Variants in GABRA1 observed in about 807,000 individuals in gnomAD.
The protein encoded by GABRA1 is gamma-aminobutyric acid receptor subunit alpha-1.
A neutral mutation model predicts 48.9 loss-of-function variants in GABRA1; 9 were observed. The observed-to-expected ratio is 0.18, with a 90% CI of 0.11 to 0.32. The LOEUF is 0.32. Among genes scored for constraint, GABRA1 ranks in the 10% least tolerant of loss-of-function variants. GABRA1 has a pLI of 1.00. For missense variants in GABRA1, 285 were observed against 553.8 expected (o/e 0.51, Z 4.87); for synonymous variants, 210 against 198.7 (o/e 1.06, Z -0.48).
Position 161,858,076 on chromosome 5 carries a change from C to T in GABRA1, c.187+3806C>T, listed in dbSNP as rs144233388. Among the ~76,000 whole-genome samples, 475 of 151,194 alleles carry T rather than the reference C, an allele frequency of 3.1e-3. 3 individuals carry two copies. The highest frequency in any genetic ancestry group is 0.01 in the African/African-American group (430 of 41,364). On this transcript the variant is annotated intron_variant, in intron 3 of 9. Coordinates refer to ENST00000393943, the MANE Select transcript of GABRA1 (RefSeq NM_001127644.2). The stretch of plus-strand genomic sequence containing the variant: ...ATTGAGGAAGTGAAGAAGAGCAAAA[C>T]AGAGGAAATGAAAAATGAGAGGAAT...
chr5:161,883,749 A>T (rs1019083111), intron 7 of GABRA1, among the ~76,000 whole-genome samples: 1 of 152,174 alleles, frequency 6.6e-6, no homozygotes, highest in East Asian at 1.9e-4. Context: ...CCTCACAAGC[A>T]TAATACATTC....
At chr5:161,887,841 A>G (rs534451583) in intron 7 of GABRA1, among the ~76,000 whole-genome samples, 8 of 152,264 alleles carry the variant, frequency 5.3e-5, no homozygotes, top group African/African-American at 1.9e-4. Flanking sequence ...CACTCAGATT[A>G]TGTAATTTTA....
At chr5:161,859,651 A>AT (rs1391110194) in intron 3 of GABRA1, among the ~76,000 whole-genome samples, 1 of 151,714 alleles carries the variant, frequency 6.6e-6, no homozygotes, top group African/African-American at 2.4e-5. Flanking sequence ...TGATCTTTTG[A>AT]TTTTTTAATA....
intron 1 of GABRA1, chr5:161,848,739 C>G (rs1757318126): frequency 7.3e-6 from 2 of 273,090 alleles, no homozygotes; most frequent in African/African-American, 4.7e-5. Flanking sequence ...GAATGTATTC[C>G]GCAGGGTGGG....
intron 9 of GABRA1, 112 bp from the exon 10 acceptor site, chr5:161,896,999 C>A: frequency 2.2e-6 from 2 of 903,416 alleles, no homozygotes; most frequent in African/African-American, 1.7e-5. Flanking sequence ...TTTTTAAATT[C>A]CTAAATAAGG....
Position 161,895,763 on chromosome 5 carries a change from C to T in GABRA1, c.954C>T (p.Ala318=), listed in dbSNP as rs551045474. The T allele has an allele frequency of 1.5e-4, 250 of 1,613,918 alleles. 1 individual carries two copies. In the South Asian group the frequency reaches 1.7e-3, roughly 11 times the overall value. ...CAACAGCTATGGATTGGTTTATTGC[C>T]GTGTGCTATGCCTTTGTGTTCTCAG... ...AYATAMDWFI[A]VCYAFVFSAL... Residue 318 remains alanine (A), a synonymous_variant, in exon 9 of 10, where the codon GCC becomes GCT. Transcript: ENST00000393943.
At chr5:161,879,471 A>G (rs1754514991) in intron 6 of GABRA1, among the ~76,000 whole-genome samples, 1 of 152,142 alleles carries the variant, frequency 6.6e-6, no homozygotes, top group South Asian at 2.1e-4. Flanking sequence ...TGAAATTGTA[A>G]CTTAAAATTT....
At position 161,897,607 on chromosome 5, in the gene GABRA1, C is replaced by A. The variant is rs2168775; in HGVS notation, c.*185C>A. The A allele has an allele frequency of 8.5e-5, 53 of 620,214 alleles. No homozygotes were observed. Among genetic ancestry groups the A allele is most frequent in the African/African-American group, 8.3e-4 (45 of 54,074 alleles). The allele number at this position is 620,214 out of a possible 1,614,324, so 38.4% of individuals were successfully genotyped here. A position where few individuals can be genotyped will look rare whatever the true frequency, so the allele number is the denominator to read the frequency against. On this transcript the variant is annotated 3_prime_UTR_variant, in exon 10 of 10. Transcript: ENST00000393943. ...GTCTGGAGCAAAGCAGACTATGCAG[C>A]TTGGAGACAGGATTCTGACAGAGCA...
chr5:161,873,078 A>G (rs370005745), intron 4 of GABRA1, 39 bp from the exon 5 acceptor site: 15 of 1,456,744 alleles, frequency 1.0e-5, no homozygotes, highest in East Asian at 4.5e-5. Context: ...TGCAAAATAC[A>G]GCACAGTGAA....
intron 1 of GABRA1, chr5:161,848,821 G>A (rs1757321784): frequency 3.0e-6 from 1 of 334,448 alleles, no homozygotes; most frequent in South Asian, 2.2e-5. Flanking sequence ...GTTGGGGAGG[G>A]GCGTCGGGGG....
At chr5:161,849,663 C>A (rs1269953987) in intron 1 of GABRA1, among the ~76,000 whole-genome samples, 1 of 152,060 alleles carries the variant, frequency 6.6e-6, no homozygotes, top group East Asian at 1.9e-4. Flanking sequence ...GAAAAAGAAG[C>A]TTTAAAAGAT....
At chr5:161,889,077 A>G (rs769633091) in intron 7 of GABRA1, among the ~76,000 whole-genome samples, 2 of 152,038 alleles carry the variant, frequency 1.3e-5, no homozygotes, top group Non-Finnish European at 2.9e-5. Context: ...TATACAAGAG[A>G]TATAAAGTTG....
chr5:161,854,635 C>T (rs1757577926), intron 3 of GABRA1, among the ~76,000 whole-genome samples: 1 of 151,594 alleles, frequency 6.6e-6, no homozygotes, highest in African/African-American at 2.4e-5. Context: ...TTAATTCCAA[C>T]AGGATATCTT....
intron 7 of GABRA1, among the ~76,000 whole-genome samples, chr5:161,886,038 TC>T (rs1168174662): frequency 1.3e-5 from 2 of 152,094 alleles, no homozygotes; most frequent in Non-Finnish European, 2.9e-5. Flanking sequence ...CTCACAAAAA[TC>T]CTAGAATTGA....
Position 161,895,882 on chromosome 5 carries a change from T to A in GABRA1, c.1059+14T>A. The stretch of plus-strand genomic sequence containing the variant: ...GTTCCAGAAAAGGTAAATGCTTTAA[T>A]GGTCACTGTAGTACATCAATATTAT... On this transcript the variant is annotated intron_variant, in intron 9 of 9. Coordinates refer to ENST00000393943, the MANE Select transcript of GABRA1 (RefSeq NM_001127644.2). The A allele has an allele frequency of 6.2e-7, 1 of 1,601,986 alleles. No homozygotes were observed. The highest frequency in any genetic ancestry group is 8.6e-7 in the Non-Finnish European group (1 of 1,168,958).
At chr5:161,853,900 A>C (rs922359548) in intron 2 of GABRA1, among the ~76,000 whole-genome samples, 13 of 151,882 alleles carry the variant, frequency 8.6e-5, no homozygotes, top group Non-Finnish European at 4.4e-5. Flanking sequence ...CGTAATAAAC[A>C]TGATAAGAAT....
chr5:161,865,512 G>A (rs1310646706), intron 3 of GABRA1, among the ~76,000 whole-genome samples: 1 of 152,118 alleles, frequency 6.6e-6, no homozygotes, highest in African/African-American at 2.4e-5. Flanking sequence ...GCCTCCCAAA[G>A]TGGCATATTT....
intron 8 of GABRA1, among the ~76,000 whole-genome samples, chr5:161,893,009 A>AAATAATAATAATAAT (rs60042641): frequency 4.9e-5 from 6 of 122,422 alleles, no homozygotes; most frequent in South Asian, 2.9e-4. Context: ...CTTCTCAAAA[A>AAATAATAATAATAAT]AATAATAATA....
chr5:161,866,090 G>T (rs1753828269), intron 4 of GABRA1, among the ~76,000 whole-genome samples: 1 of 151,944 alleles, frequency 6.6e-6, no homozygotes, highest in Non-Finnish European at 1.5e-5. Flanking sequence ...TATGAGTTAT[G>T]TTTCATTTTA....
Sources: allele counts gnomAD v4.1 joint callset (sites outside exome capture counted in the v4.1 genomes callset), GRCh38; gene constraint gnomAD v4.1.1; transcripts MANE v1.5; gene names NCBI Gene and HGNC (gene_info 2026-07-23, HGNC 2026-07-21).